The following MYOM1 variants were observed in gnomAD, a reference collection of about 807,000 sequenced individuals.
MYOM1 encodes the protein myomesin 1, also known as myomesin-1.
MYOM1 carries 164 observed loss-of-function variants against 205.3 expected under a neutral mutation model. The observed-to-expected ratio is 0.80, with a 90% CI of 0.70 to 0.91. The LOEUF (loss-of-function observed/expected upper bound fraction) is 0.91, where lower values mean the gene tolerates loss of function less well. Ranked by LOEUF, MYOM1 falls within the 40% of genes least tolerant of loss-of-function variation. The pLI, the probability that MYOM1 is intolerant of heterozygous loss-of-function variation, is 0.00. For synonymous variants in MYOM1, 772 were observed against 789.4 expected (o/e 0.98, Z 0.37); for missense variants, 2,011 against 2,127.3 (o/e 0.95, Z 1.08).
chr18:3,116,317 G>A lies in MYOM1; in HGVS notation c.3303+14C>T. 6.2e-7 allele frequency: 1 copy of A among 1,608,724 alleles called. No individual in the cohort carries two copies. The highest frequency in any genetic ancestry group is 8.5e-7 in the Non-Finnish European group (1 of 1,178,330). On this transcript the variant is annotated intron_variant, in intron 21 of 37. Transcript: ENST00000356443. ...AGTTAGTAGAGGAAGCTCTAGAACTGAGCAGCCTCTTACCTTCAGGTATAC... is the reference window on the plus strand; with the variant it reads ...AGTTAGTAGAGGAAGCTCTAGAACTAAGCAGCCTCTTACCTTCAGGTATAC...
intron 35 of MYOM1, 63 bp downstream of exon 35, chr18:3,075,662 A>G (rs1450275025): frequency 6.5e-7 from 1 of 1,537,904 alleles, no homozygotes; most frequent in Admixed American, 1.7e-5. Flanking sequence ...AGGGGCGAGC[A>G]GCATGCAAGC....
Position 3,188,824 on chromosome 18 carries a change from T to C in MYOM1, c.695A>G (p.Gln232Arg). ...TGACTTCTTTTCAGAAGTTTCTTCC[T>C]GTTGAAGAGCGGATGTGGCCTGTTT... Reference protein sequence around the residue: ...VSKQATSALQQEETSEKKSRK... With the variant: ...VSKQATSALQREETSEKKSRK... The change falls in exon 4 of 38, where the codon CAG (glutamine) becomes CGG (arginine). Residue 232 changes from glutamine to arginine, a missense_variant. By Grantham distance (43) the Gln-to-Arg change is conservative. Transcript: ENST00000356443. The C allele has an allele frequency of 1.2e-6, 2 of 1,611,694 alleles. No individual in the cohort carries two copies. Among genetic ancestry groups the C allele is most frequent in the Non-Finnish European group, 1.7e-6 (2 of 1,178,198 alleles).
intron 20 of MYOM1, among the ~76,000 whole-genome samples, chr18:3,117,646 AT>A (rs1294091591): frequency 1.5e-4 from 22 of 151,680 alleles, no homozygotes; most frequent in Admixed American, 1.4e-3. Flanking sequence ...GAAAAAATTT[AT>A]TTTTTCCTTT....
chr18:3,208,735 T>A lies in MYOM1; in HGVS notation c.290+6199A>T, dbSNP rs552708279. Reference sequence around the variant, plus strand: ...ATGCTTTTTTCTTATATATAATAATTAAAATTTTATTTAGAGAAGAAGCAA... The same window carrying A: ...ATGCTTTTTTCTTATATATAATAATAAAAATTTTATTTAGAGAAGAAGCAA... On this transcript the variant is annotated intron_variant, in intron 2 of 37. Coordinates refer to ENST00000356443, the MANE Select transcript of MYOM1 (RefSeq NM_003803.4). 2.2e-4 allele frequency among the ~76,000 whole-genome samples: 33 copies of A among 152,242 alleles called. 1 individual carries two copies. The highest frequency in any genetic ancestry group is 1.6e-3 in the Admixed American group (24 of 15,306).
chr18:3,099,981 A>C (rs1050011448), intron 25 of MYOM1, among the ~76,000 whole-genome samples, 178 bp downstream of exon 25: 6 of 152,196 alleles, frequency 3.9e-5, no homozygotes, highest in Non-Finnish European at 8.8e-5. Flanking sequence ...TCTGGAGAAC[A>C]ACCGCAAAGG....
chr18:3,222,127 A>T (rs2081335144), upstream of MYOM1, among the ~76,000 whole-genome samples: 1 of 152,378 alleles, frequency 6.6e-6, no homozygotes, highest in East Asian at 1.9e-4. Context: ...TTAAGTTTTC[A>T]GGATAATCAC....
In MYOM1 at chr18:3,189,483, CAAG is replaced by C. The variant is rs1342907167; in HGVS notation, c.432-399_432-397del. 2.0e-5 allele frequency among the ~76,000 whole-genome samples: 3 copies of C among 151,980 alleles called. No individual in the cohort carries two copies. The highest frequency in any genetic ancestry group is 7.3e-5 in the African/African-American group (3 of 41,374). The stretch of plus-strand genomic sequence containing the variant: ...AAGCAATTCTCCTGCCTCAGCCTCT[CAAG>C]GAGCTGGGATTACAGGCTCCTGCTA... On this transcript the variant is annotated intron_variant, in intron 3 of 37. Coordinates refer to ENST00000356443, the MANE Select transcript of MYOM1 (RefSeq NM_003803.4). This position sits in a 1 kb window ranked among gnomAD's most constrained non-coding sequence, Gnocchi z 4.8.
intron 23 of MYOM1, among the ~76,000 whole-genome samples, chr18:3,101,932 T>G (rs1050780598): frequency 6.6e-6 from 1 of 151,570 alleles, no homozygotes; most frequent in Non-Finnish European, 1.5e-5. Flanking sequence ...GTGATCTTTC[T>G]GCCTCAGCCT....
intron 10 of MYOM1, among the ~76,000 whole-genome samples, chr18:3,161,970 CCAGAAAACCTAAATATATTGAAATACA>C (rs1159626842): frequency 6.6e-6 from 1 of 152,086 alleles, no homozygotes; most frequent in Non-Finnish European, 1.5e-5. Flanking sequence ...CATGTGATTA[CCAGAAAACCTAAATATATTGAAATACA>C]GTTCTAATCA....
In MYOM1 at chr18:3,173,847, A is replaced by G. The variant is rs60860454; in HGVS notation, c.1174+91T>C. Reference sequence around the variant, plus strand: ...CAACCTAGCATATACTATGTTATATATAGTATGCATTTATTTCAGCATTAT... The same window carrying G: ...CAACCTAGCATATACTATGTTATATGTAGTATGCATTTATTTCAGCATTAT... On this transcript the variant is annotated intron_variant, in intron 8 of 37. Transcript: ENST00000356443. 253 of 1,108,958 alleles carry G rather than the reference A, an allele frequency of 2.3e-4. No homozygotes were observed. The African/African-American group carries it at 3.7e-3, about 16-fold the overall frequency. 68.7% of individuals were successfully genotyped at this position (1,108,958 alleles called of 1,614,324 possible).
intron 7 of MYOM1, 36 bp downstream of exon 7, chr18:3,174,084 C>G (rs2080599329): frequency 3.1e-6 from 5 of 1,608,664 alleles, no homozygotes; most frequent in Non-Finnish European, 4.2e-6. Flanking sequence ...TAAAAACACA[C>G]ACACACTTTG....
intron 16 of MYOM1, 32 bp downstream of exon 16, chr18:3,134,618 C>T (rs1401127049): frequency 2.5e-6 from 4 of 1,577,590 alleles, no homozygotes; most frequent in Non-Finnish European, 3.5e-6. Flanking sequence ...CTCCAGAGGC[C>T]ATTGCCCGCC....
intron 22 of MYOM1, among the ~76,000 whole-genome samples, chr18:3,103,888 TA>T (rs2079416312): frequency 6.6e-6 from 1 of 152,242 alleles, no homozygotes; most frequent in African/African-American, 2.4e-5. Flanking sequence ...GCTTCAACTA[TA>T]AACTTCCAAA....
At chr18:3,225,396 CAGG>C in the MYOM1 span, among the ~76,000 whole-genome samples, 1 of 152,206 alleles carries the variant, frequency 6.6e-6, no homozygotes, top group African/African-American at 2.4e-5. Context: ...CCCCTGTTCA[CAGG>C]AGAAGGGAGG....
chr18:3,166,672 A>C (rs566043618), intron 9 of MYOM1, among the ~76,000 whole-genome samples: 1 of 152,300 alleles, frequency 6.6e-6, no homozygotes, highest in East Asian at 1.9e-4. Context: ...ACCTGAACAA[A>C]ATGGAGTTTG....
intron 26 of MYOM1, among the ~76,000 whole-genome samples, chr18:3,091,271 G>A (rs983986253): frequency 6.6e-6 from 1 of 151,730 alleles, no homozygotes; most frequent in African/African-American, 2.4e-5. Flanking sequence ...AGCCGAGATC[G>A]CACCATTGCA....
intron 25 of MYOM1, among the ~76,000 whole-genome samples, chr18:3,096,683 T>C (rs1433602824): frequency 6.6e-6 from 1 of 152,174 alleles, no homozygotes; most frequent in African/African-American, 2.4e-5. Context: ...TATTTATGTA[T>C]ACGTGCTTGT....
chr18:3,127,879 T>C (rs2079818356), intron 18 of MYOM1, among the ~76,000 whole-genome samples: 1 of 152,242 alleles, frequency 6.6e-6, no homozygotes, highest in African/African-American at 2.4e-5. Flanking sequence ...GCTGTCACCA[T>C]GTTTATCAGT....
At chr18:3,151,398 C>A (rs1338719391) in intron 12 of MYOM1, among the ~76,000 whole-genome samples, 9 of 149,422 alleles carry the variant, frequency 6.0e-5, no homozygotes, top group Non-Finnish European at 1.2e-4. Flanking sequence ...CACACAATGC[C>A]TGGAACTCAG....
Sources: gnomAD v4.1 joint callset for allele counts (sites outside exome capture counted in the v4.1 genomes callset) on GRCh38, gnomAD v4.1.1 for gene constraint, Gnocchi (gnomAD v3.1) non-coding constraint, MANE v1.5 for transcripts, NCBI Gene and HGNC (gene_info 2026-07-23, HGNC 2026-07-21) for gene names.